Variants in ALDH7A1 observed in about 807,000 individuals in gnomAD.
ALDH7A1 encodes the protein aldehyde dehydrogenase 7 family member A1.
A neutral mutation model predicts 79.9 loss-of-function variants in ALDH7A1; 63 were observed. That is an observed-to-expected ratio of 0.79 (90% CI 0.64 to 0.97). The LOEUF (loss-of-function observed/expected upper bound fraction) is 0.97, where lower values mean the gene tolerates loss of function less well. Among genes scored for constraint, ALDH7A1 ranks in the 50% least tolerant of loss-of-function variants. The pLI is 0.00. For synonymous variants in ALDH7A1, 240 were observed against 231.2 expected (o/e 1.04, Z -0.34); for missense variants, 627 against 665.2 (o/e 0.94, Z 0.63).
chr5:126,560,770 G>T (rs1183615153), intron 10 of ALDH7A1, among the ~76,000 whole-genome samples: 1 of 152,058 alleles, frequency 6.6e-6, no homozygotes, highest in East Asian at 1.9e-4. Context: ...GAGAAATGTG[G>T]CCAGTTTTCA....
chr5:126,594,961 C>A, intron 1 of ALDH7A1, 46 bp downstream of exon 1: 1 of 1,554,140 alleles, frequency 6.4e-7, no homozygotes. Context: ...CCGGCCTCCT[C>A]GAGCGAGCCC....
At chr5:126,594,438 A>ATTTTTTTTTTTTTTTTTTTTTTTTTTT (rs34684581) in intron 1 of ALDH7A1, 1 of 178,562 alleles carries the variant, frequency 5.6e-6, no homozygotes, top group Non-Finnish European at 1.1e-5. Flanking sequence ...TAAGGTTTTA[A>ATTTTTTTTTTTTTTTTTTTTTTTTTTT]TTTTTTTTTT....
intron 7 of ALDH7A1, among the ~76,000 whole-genome samples, chr5:126,571,744 C>G (rs1750786681): frequency 6.6e-6 from 1 of 151,908 alleles, no homozygotes; most frequent in South Asian, 2.1e-4. Flanking sequence ...TAGTCACCAC[C>G]AGCAAATAAG....
At chr5:126,584,144 T>C (rs1751275372) in intron 3 of ALDH7A1, 132 bp from the exon 4 acceptor site, 1 of 803,894 alleles carries the variant, frequency 1.2e-6, no homozygotes, top group Non-Finnish European at 2.1e-6. Context: ...ATCAAAACTG[T>C]GATATGGCCA....
rs1409399352 is a variant in ALDH7A1 at position 126,552,149 on chromosome 5, A to G, written c.1201-12T>C. On this transcript the variant is annotated splice_polypyrimidine_tract_variant and intron_variant, in intron 13 of 17. Coordinates refer to ENST00000409134, the MANE Select transcript of ALDH7A1 (RefSeq NM_001182.5). Reference sequence around the variant, plus strand: ...GGGCGATCCATAACCTAATGCAGAGAAATGAAATAAAAAGAATGAAAGCAT... The same window carrying G: ...GGGCGATCCATAACCTAATGCAGAGGAATGAAATAAAAAGAATGAAAGCAT... 2 of 1,602,656 alleles carry G rather than the reference A, an allele frequency of 1.2e-6. No homozygotes were observed. The highest frequency in any genetic ancestry group is 4.5e-5 in the East Asian group (2 of 44,814).
chr5:126,579,215 A>G (rs976597285), intron 5 of ALDH7A1, among the ~76,000 whole-genome samples: 18 of 152,214 alleles, frequency 1.2e-4, no homozygotes, highest in Admixed American at 2.0e-4. Flanking sequence ...GAAGCAATGC[A>G]ATCCTCCCAA....
chr5:126,573,970 C>T (rs1400797342), intron 7 of ALDH7A1, among the ~76,000 whole-genome samples: 2 of 125,576 alleles, frequency 1.6e-5, no homozygotes, highest in African/African-American at 6.5e-5. Flanking sequence ...GCAGAAACTA[C>T]AGTAAGCTGA....
intron 11 of ALDH7A1, 48 bp from the exon 12 acceptor site, chr5:126,556,063 T>C: frequency 7.8e-7 from 1 of 1,286,342 alleles, no homozygotes; most frequent in South Asian, 1.2e-5. Flanking sequence ...AATGCACACA[T>C]TTTTAAACAA....
chr5:126,552,323 T>TA (rs1750028644), intron 13 of ALDH7A1, among the ~76,000 whole-genome samples, 186 bp from the exon 14 acceptor site: 1 of 152,148 alleles, frequency 6.6e-6, no homozygotes, highest in South Asian at 2.1e-4. Flanking sequence ...GGTTCTAACT[T>TA]AGTTGGTCAG....
intron 5 of ALDH7A1, among the ~76,000 whole-genome samples, chr5:126,578,124 A>G (rs1388218984): frequency 6.7e-6 from 1 of 150,152 alleles, no homozygotes; most frequent in Non-Finnish European, 1.5e-5. Context: ...CCCTGTCTCT[A>G]CTGAAAAAAC....
intron 6 of ALDH7A1, among the ~76,000 whole-genome samples, chr5:126,576,390 G>A (rs1005029917): frequency 4.6e-5 from 7 of 151,886 alleles, no homozygotes; most frequent in African/African-American, 1.7e-4. Flanking sequence ...ATTCAACTGA[G>A]TACCACACAT....
In ALDH7A1 at chr5:126,550,313, A is replaced by G; in HGVS notation, c.1318-20T>C. The G allele has an allele frequency of 1.3e-6, 2 of 1,559,896 alleles. No homozygotes were observed. Among genetic ancestry groups the G allele is most frequent in the Non-Finnish European group, 1.8e-6 (2 of 1,132,128 alleles). ...TTCATTCTAAAAGGAGAGACATTGGAAGCTGTAAGATGTTATAGTGTTCAA... is the reference window on the plus strand; with the variant it reads ...TTCATTCTAAAAGGAGAGACATTGGGAGCTGTAAGATGTTATAGTGTTCAA... On this transcript the variant is annotated intron_variant, in intron 14 of 17. Coordinates refer to ENST00000409134, the MANE Select transcript of ALDH7A1 (RefSeq NM_001182.5).
intron 10 of ALDH7A1, 164 bp from the exon 11 acceptor site, chr5:126,559,498 C>G: frequency 1.8e-6 from 1 of 567,356 alleles, no homozygotes. Context: ...TGCAATGGCA[C>G]GATCTCGGCT....
intron 3 of ALDH7A1, chr5:126,586,537 A>G (rs1303960435): frequency 6.6e-6 from 1 of 152,226 alleles, no homozygotes; most frequent in Admixed American, 6.5e-5. Context: ...CTTGCCCTCT[A>G]TAGAGCTGAC....
At chr5:126,554,431 C>T in intron 12 of ALDH7A1, 38 bp from the exon 13 acceptor site, 5 of 1,556,916 alleles carry the variant, frequency 3.2e-6, no homozygotes, top group Non-Finnish European at 4.4e-6. Flanking sequence ...ATCATTTTGC[C>T]CTTTATGGCA....
chr5:126,550,011 A>G lies in ALDH7A1; in HGVS notation c.1416-9T>C. On this transcript the variant is annotated splice_polypyrimidine_tract_variant and intron_variant, in intron 15 of 17. Transcript: ENST00000409134. ...AGTCTGATCCTTTAGGTCTGTGTAA[A>G]AAGGGAGGCATGGTGAGAGCAATGA... 6.2e-7 allele frequency: 1 copy of G among 1,613,586 alleles called. No homozygotes were observed. Among genetic ancestry groups the G allele is most frequent in the Non-Finnish European group, 8.5e-7 (1 of 1,179,504 alleles).
At chr5:126,564,236 AACCTCTGCCTCT>A in intron 9 of ALDH7A1, 1 of 190,590 alleles carries the variant, frequency 5.2e-6, no homozygotes, top group Non-Finnish European at 1.1e-5. Flanking sequence ...AGCTCACTGC[AACCTCTGCCTCT>A]GGGTTCAAGC....
intron 6 of ALDH7A1, 152 bp from the exon 7 acceptor site, chr5:126,575,616 T>G: frequency 1.5e-6 from 1 of 663,148 alleles, no homozygotes; most frequent in East Asian, 3.0e-5. Context: ...AACAGAAATC[T>G]GTCCTTCAGC....
intron 8 of ALDH7A1, 159 bp from the exon 9 acceptor site, chr5:126,568,515 A>T: frequency 1.4e-6 from 1 of 696,686 alleles, no homozygotes. Flanking sequence ...ATGAGAAGGA[A>T]AAAAGTTTTT....
Sources: allele counts gnomAD v4.1 joint callset (sites outside exome capture counted in the v4.1 genomes callset), GRCh38; gene constraint gnomAD v4.1.1; transcripts MANE v1.5; gene names NCBI Gene and HGNC (gene_info 2026-07-23, HGNC 2026-07-21).